Variants in SCUBE1 observed in about 807,000 individuals in gnomAD.
SCUBE1 encodes signal peptide, CUB and EGF-like domain-containing protein 1.
A neutral mutation model predicts 124.4 loss-of-function variants in SCUBE1; 59 were observed. That is an observed-to-expected ratio of 0.47 (90% CI 0.38 to 0.59). The LOEUF is 0.59. Among genes scored for constraint, SCUBE1 ranks in the 20% least tolerant of loss-of-function variants. The pLI is 0.00. For missense variants in SCUBE1, 1,150 were observed against 1,371.2 expected, an observed-to-expected ratio of 0.84 and a Z score of 2.55; for synonymous variants, 545 against 550.9, an observed-to-expected ratio of 0.99 and a Z score of 0.15.
At chr22:43,287,771 C>T (rs1158267717) in intron 4 of SCUBE1, among the ~76,000 whole-genome samples, 2 of 152,244 alleles carry the variant, frequency 1.3e-5, no homozygotes, top group African/African-American at 4.8e-5. Context: ...TCAGAGGTCA[C>T]TTGTCTGCAA....
In SCUBE1 at chr22:43,211,034, G is replaced by A. The variant is rs138988; in HGVS notation, c.2271C>T (p.Ile757=). ...GCTGGTAGGTGCCGACGGGGCAGCG[G>A]ATGCAGCGGTGGGTGGTGGTGTTGT... ...HHYNTTTHRC[I]RCPVGTYQPE... The change falls in exon 18 of 22, where the codon ATC becomes ATT. Residue 757 remains isoleucine, a synonymous_variant. Coordinates refer to ENST00000360835, the MANE Select transcript of SCUBE1 (RefSeq NM_173050.5). The surrounding 1 kb of genome is among the most constrained non-coding windows in gnomAD (Gnocchi z 4.5). 0.1 allele frequency: 168,630 copies of A among 1,613,838 alleles called. 10,029 individuals are homozygous for A. The highest frequency in any genetic ancestry group is 0.12 in the Non-Finnish European group (141,151 of 1,179,852).
intron 2 of SCUBE1, 74 bp downstream of exon 2, chr22:43,339,030 T>G: frequency 1.3e-6 from 2 of 1,555,636 alleles, no homozygotes; most frequent in South Asian, 1.1e-5. Flanking sequence ...TGGTGATGAA[T>G]GGGGCAGGCA....
intron 2 of SCUBE1, among the ~76,000 whole-genome samples, chr22:43,327,566 C>T (rs1372447303): frequency 6.6e-6 from 1 of 152,120 alleles, no homozygotes; most frequent in East Asian, 1.9e-4. Flanking sequence ...GCGGGTGGAT[C>T]ACCTGAGGTC....
chr22:43,227,329 G>GC, intron 10 of SCUBE1, 45 bp downstream of exon 10: 2 of 1,584,164 alleles, frequency 1.3e-6, no homozygotes, highest in South Asian at 2.3e-5. Context: ...TCCCATCCAA[G>GC]CCCAGGTGCA....
chr22:43,284,731 T>C (rs1294095578), intron 4 of SCUBE1, among the ~76,000 whole-genome samples: 3 of 152,028 alleles, frequency 2.0e-5, no homozygotes, highest in Non-Finnish European at 4.4e-5. Flanking sequence ...CAAGCATGCA[T>C]TGGATGCAGC....
intron 3 of SCUBE1, 140 bp from the exon 4 acceptor site, chr22:43,291,320 C>T (rs1925349224): frequency 1.1e-6 from 1 of 892,670 alleles, no homozygotes; most frequent in Non-Finnish European, 1.7e-6. Context: ...CTCCCTGGTG[C>T]TGTGTGATGG....
At chr22:43,222,831 G>C in intron 11 of SCUBE1, 89 bp from the exon 12 acceptor site, 2 of 1,117,160 alleles carry the variant, frequency 1.8e-6, no homozygotes, top group Non-Finnish European at 2.6e-6. Context: ...ATTGTGGAGT[G>C]AGACGAAGAT....
In SCUBE1 at chr22:43,233,866, G is replaced by A. The variant is rs141655617; in HGVS notation, c.845-1991C>T. 1.3e-3 allele frequency among the ~76,000 whole-genome samples: 197 copies of A among 152,048 alleles called. 1 individual carries two copies. Among genetic ancestry groups the A allele is most frequent in the African/African-American group, 4.5e-3 (186 of 41,460 alleles). On this transcript the variant is annotated intron_variant, in intron 7 of 21. Transcript: ENST00000360835. ...GGTCAAGAATATTAGAGGAGTGCAG[G>A]GCTGGATGCCCACATGGCTCTCTGG...
chr22:43,265,253 A>T (rs986399836), intron 4 of SCUBE1, among the ~76,000 whole-genome samples: 7 of 152,104 alleles, frequency 4.6e-5, no homozygotes, highest in Non-Finnish European at 8.8e-5. Flanking sequence ...TGAGACTCTA[A>T]AGACTTTAAC....
At position 43,208,175 on chromosome 22, in the gene SCUBE1, C is replaced by A. The variant is rs747487580; in HGVS notation, c.2631G>T (p.Arg877Ser). The change falls in exon 20 of 22, where the codon AGG becomes AGT. Residue 877 changes from arginine to serine, a missense_variant. Transcript: ENST00000360835. ...GGGAGCGGGAGGTGAAGGCGATGGGCCTCTCGTAGGTCTGGCAGGTCTCAT... is the reference window on the plus strand; with the variant it reads ...GGGAGCGGGAGGTGAAGGCGATGGGACTCTCGTAGGTCTGGCAGGTCTCAT... ...TTYETCQTYE[R>S]PIAFTSRSRK... is the part of the protein sequence containing the mutation. 6.2e-7 allele frequency: 1 copy of A among 1,614,064 alleles called. No individual in the cohort carries two copies. The highest frequency in any genetic ancestry group is 8.5e-7 in the Non-Finnish European group (1 of 1,179,998).
chr22:43,311,654 T>C (rs1926174781), intron 3 of SCUBE1, among the ~76,000 whole-genome samples: 2 of 151,968 alleles, frequency 1.3e-5, no homozygotes, highest in Non-Finnish European at 2.9e-5. Flanking sequence ...CTCGAACTCC[T>C]GACCTCATGT....
intron 2 of SCUBE1, among the ~76,000 whole-genome samples, chr22:43,334,523 ACAT>A (rs957213493): frequency 2.6e-4 from 40 of 152,194 alleles, no homozygotes; most frequent in Middle Eastern, 6.8e-3. Context: ...ATGATCAGAT[ACAT>A]CATCATCATC....
At chr22:43,279,744 C>T (rs904637555) in intron 4 of SCUBE1, among the ~76,000 whole-genome samples, 2 of 152,182 alleles carry the variant, frequency 1.3e-5, no homozygotes, top group Admixed American at 6.5e-5. Context: ...ACTGTCTGGT[C>T]GGGACCTGCC....
chr22:43,252,202 G>C (rs139026), intron 6 of SCUBE1, among the ~76,000 whole-genome samples: 10,519 of 152,312 alleles, frequency 0.069, 492 homozygotes, highest in Non-Finnish European at 0.1. Flanking sequence ...CAGTGGCCCA[G>C]GCCGCCGTGC....
chr22:43,246,532 A>G (rs1923218678), intron 6 of SCUBE1, among the ~76,000 whole-genome samples: 1 of 152,250 alleles, frequency 6.6e-6, no homozygotes, highest in South Asian at 2.1e-4. Flanking sequence ...AGGCAGAGCT[A>G]TCACCTGCCT....
At chr22:43,307,719 T>G (rs973446905) in intron 3 of SCUBE1, among the ~76,000 whole-genome samples, 15 of 152,206 alleles carry the variant, frequency 9.9e-5, no homozygotes, top group African/African-American at 3.6e-4. Flanking sequence ...AGCCACAGCG[T>G]GAGGCCCCTG....
chr22:43,303,433 C>G (rs552813617), intron 3 of SCUBE1, among the ~76,000 whole-genome samples: 1 of 152,268 alleles, frequency 6.6e-6, no homozygotes, highest in Non-Finnish European at 1.5e-5. Context: ...CAGTCCCTCC[C>G]TGTCAGGCCC....
At chr22:43,280,286 A>G (rs982588664) in intron 4 of SCUBE1, among the ~76,000 whole-genome samples, 1 of 151,552 alleles carries the variant, frequency 6.6e-6, no homozygotes, top group Non-Finnish European at 1.5e-5. Context: ...AATATTCCCC[A>G]CCTATGTGAC....
intron 4 of SCUBE1, among the ~76,000 whole-genome samples, chr22:43,280,220 C>A (rs548400037): frequency 6.6e-6 from 1 of 152,076 alleles, no homozygotes; most frequent in Non-Finnish European, 1.5e-5. Context: ...AGACCTCCAG[C>A]GTTCTGCGCT....
Sources: gnomAD v4.1 joint callset for allele counts (sites outside exome capture counted in the v4.1 genomes callset) on GRCh38, gnomAD v4.1.1 for gene constraint, Gnocchi (gnomAD v3.1) non-coding constraint, MANE v1.5 for transcripts, NCBI Gene and HGNC (gene_info 2026-07-23, HGNC 2026-07-21) for gene names.